Variants in CERS6 observed in about 807,000 individuals in gnomAD.
CERS6 encodes the protein LAG1 homolog, ceramide synthase 6.
Under a neutral mutation model 56.8 loss-of-function variants are expected in CERS6, and 26 were observed. The ratio of observed to expected loss-of-function variants is 0.46; its 90% CI spans 0.34 to 0.63. CERS6 has a LOEUF of 0.63. CERS6 is among the 30% of genes least tolerant of loss of function. CERS6 has a pLI of 0.01. For synonymous variants in CERS6, 164 were observed against 173.3 expected (o/e 0.95, Z 0.42); for missense variants, 415 against 467.5 (o/e 0.89, Z 1.04).
At chr2:168,762,920 G>T (rs1417699518) in intron 8 of CERS6, among the ~76,000 whole-genome samples, 2 of 152,016 alleles carry the variant, frequency 1.3e-5, no homozygotes, top group African/African-American at 2.4e-5. Context: ...TGTCGCCCAG[G>T]CTGGAGTGCA....
chr2:168,736,507 G>A (rs73969942), intron 8 of CERS6, among the ~76,000 whole-genome samples: 1,704 of 151,962 alleles, frequency 0.011, 37 homozygotes, highest in African/African-American at 0.038. Context: ...AAAAAAAAAT[G>A]TTTTGTAGCA....
chr2:168,600,469 G>A lies in CERS6; in HGVS notation c.408-30516G>A, dbSNP rs556529122. ...TCTGCCCGCCTCGCCCTCCAAAAGT[G>A]CTGGGATTACAGGCGTGAGCCACCA... is the stretch of plus-strand genomic sequence containing the variant. On this transcript the variant is annotated intron_variant, in intron 3 of 9. Transcript: ENST00000305747. Among the ~76,000 whole-genome samples the A allele has an allele frequency of 8.5e-5, 13 of 152,300 alleles. No individual in the cohort carries two copies. The East Asian group carries it at 2.3e-3, about 27-fold the overall frequency.
At chr2:168,716,439 A>C (rs1260047422) in intron 7 of CERS6, among the ~76,000 whole-genome samples, 1 of 152,148 alleles carries the variant, frequency 6.6e-6, no homozygotes, top group Non-Finnish European at 1.5e-5. Flanking sequence ...CATGATTCAA[A>C]AAATTTCTAA....
At chr2:168,540,923 A>G (rs1031670133) in intron 1 of CERS6, among the ~76,000 whole-genome samples, 4 of 152,094 alleles carry the variant, frequency 2.6e-5, no homozygotes, top group African/African-American at 7.2e-5. Flanking sequence ...TGTTGCTCCA[A>G]AGGAATATCT....
At chr2:168,467,503 T>C (rs1441433196) in intron 1 of CERS6, among the ~76,000 whole-genome samples, 1 of 152,246 alleles carries the variant, frequency 6.6e-6, no homozygotes, top group East Asian at 1.9e-4. Context: ...TGCTCTTTTG[T>C]ATATCTATTG....
intron 8 of CERS6, among the ~76,000 whole-genome samples, chr2:168,752,279 ATGTGTGTGTGTGTGTGTGTG>A (rs397870530): frequency 1.5e-5 from 2 of 132,514 alleles, no homozygotes; most frequent in African/African-American, 2.8e-5. Flanking sequence ...AAAAAAATAA[ATGTGTGTGTGTGTGTGTGTG>A]TGTGTGTGTG....
intron 3 of CERS6, among the ~76,000 whole-genome samples, chr2:168,573,590 A>G (rs925696121): frequency 6.6e-6 from 1 of 152,190 alleles, no homozygotes; most frequent in Non-Finnish European, 1.5e-5. Flanking sequence ...CACATATACC[A>G]TTAAGCCTTG....
At chr2:168,466,395 T>C (rs898484141) in intron 1 of CERS6, among the ~76,000 whole-genome samples, 2 of 152,202 alleles carry the variant, frequency 1.3e-5, no homozygotes, top group African/African-American at 4.8e-5. Context: ...GCCACAGGTA[T>C]ATCCTATGGA....
At position 168,569,778 on chromosome 2, in the gene CERS6, A is replaced by C. The variant is rs2105387691; in HGVS notation, c.407+8456A>C. Among the ~76,000 whole-genome samples the C allele has an allele frequency of 1.3e-5, 2 of 152,308 alleles. 1 individual carries two copies. The highest frequency in any genetic ancestry group is 3.9e-4 in the East Asian group (2 of 5,180). On this transcript the variant is annotated intron_variant, in intron 3 of 9. Transcript: ENST00000305747. Reference sequence around the variant, plus strand: ...AGTCTGCATTGGAGTCTTCTCTCTGATAAAAACCTCTCGGGTATTTGGGAG... The same window carrying C: ...AGTCTGCATTGGAGTCTTCTCTCTGCTAAAAACCTCTCGGGTATTTGGGAG...
chr2:168,749,500 C>G (rs920760235), intron 8 of CERS6, among the ~76,000 whole-genome samples: 16 of 152,182 alleles, frequency 1.1e-4, no homozygotes, highest in Admixed American at 1.0e-3. Context: ...CCTTATTCAA[C>G]GCACCTAAAA....
intron 4 of CERS6, among the ~76,000 whole-genome samples, chr2:168,670,565 G>A (rs1685882006): frequency 6.6e-6 from 1 of 152,208 alleles, no homozygotes; most frequent in African/African-American, 2.4e-5. Context: ...TCTTTCCTCT[G>A]TGTGGATGGC....
intron 4 of CERS6, among the ~76,000 whole-genome samples, chr2:168,639,258 G>A (rs1040782803): frequency 6.6e-6 from 1 of 152,180 alleles, no homozygotes; most frequent in Admixed American, 6.5e-5. Flanking sequence ...AGTTGCATTA[G>A]TATTCACCTC....
intron 8 of CERS6, among the ~76,000 whole-genome samples, chr2:168,740,821 A>G (rs1683875927): frequency 6.6e-6 from 1 of 152,220 alleles, no homozygotes. Context: ...TCACTTTAAA[A>G]CAAGGTCTAA....
chr2:168,545,179 A>G (rs1393551202), intron 1 of CERS6, among the ~76,000 whole-genome samples: 2 of 152,232 alleles, frequency 1.3e-5, no homozygotes, highest in Non-Finnish European at 2.9e-5. Flanking sequence ...ACATACATGT[A>G]CATATATAAT....
intron 4 of CERS6, among the ~76,000 whole-genome samples, chr2:168,662,025 G>A (rs550135308): frequency 1.3e-5 from 2 of 152,032 alleles, no homozygotes; most frequent in Non-Finnish European, 2.9e-5. Flanking sequence ...TCTAATAGAC[G>A]GTTGACAGAG....
chr2:168,595,547 T>C (rs563186402), intron 3 of CERS6, among the ~76,000 whole-genome samples: 1 of 152,234 alleles, frequency 6.6e-6, no homozygotes, highest in Non-Finnish European at 1.5e-5. Flanking sequence ...CATTGGATTA[T>C]GTATAATACC....
At chr2:168,628,154 C>T (rs1287390809) in intron 3 of CERS6, among the ~76,000 whole-genome samples, 1 of 152,170 alleles carries the variant, frequency 6.6e-6, no homozygotes, top group Non-Finnish European at 1.5e-5. Flanking sequence ...TTTTAGGAGG[C>T]TGTTCTTCCT....
intron 3 of CERS6, among the ~76,000 whole-genome samples, chr2:168,579,457 A>G (rs1683355996): frequency 1.3e-5 from 2 of 152,124 alleles, no homozygotes; most frequent in Non-Finnish European, 2.9e-5. Context: ...AGAGTCACCA[A>G]TACTTCTTTT....
At chr2:168,650,568 A>G (rs1685318105) in intron 4 of CERS6, among the ~76,000 whole-genome samples, 1 of 152,162 alleles carries the variant, frequency 6.6e-6, no homozygotes, top group South Asian at 2.1e-4. Flanking sequence ...TCATAGAGAG[A>G]TCTTCGTGCA....
Sources: gnomAD v4.1 joint callset for allele counts (sites outside exome capture counted in the v4.1 genomes callset) on GRCh38, gnomAD v4.1.1 for gene constraint, MANE v1.5 for transcripts, NCBI Gene and HGNC (gene_info 2026-07-23, HGNC 2026-07-21) for gene names.